Variants in RHBDD1 observed in about 807,000 individuals in gnomAD.
RHBDD1 encodes the protein rhomboid domain containing 1.
RHBDD1 carries 38 observed loss-of-function variants against 36.3 expected under a neutral mutation model. The ratio of observed to expected loss-of-function variants is 1.05; its 90% CI spans 0.81 to 1.37. The LOEUF (loss-of-function observed/expected upper bound fraction) is 1.37. RHBDD1 is among the 40% of genes most tolerant of loss of function. RHBDD1 has a pLI of 0.00. For missense variants in RHBDD1, 393 were observed against 377.6 expected (o/e 1.04, Z -0.34); for synonymous variants, 151 against 136.5 (o/e 1.11, Z -0.74).
chr2:226,958,271 C>G (rs750172516), intron 8 of RHBDD1, among the ~76,000 whole-genome samples: 7 of 152,080 alleles, frequency 4.6e-5, no homozygotes, highest in African/African-American at 1.7e-4. Context: ...TGAAAGGAGC[C>G]AATGACACAT....
intron 8 of RHBDD1, among the ~76,000 whole-genome samples, chr2:226,926,224 A>T (rs1045932703): frequency 1.2e-4 from 5 of 41,434 alleles, no homozygotes; most frequent in Admixed American, 9.5e-4. Flanking sequence ...CTAAGTAAAT[A>T]AAAAAAAAAA....
At chr2:226,947,356 G>A (rs1301627636) in intron 8 of RHBDD1, among the ~76,000 whole-genome samples, 3 of 151,988 alleles carry the variant, frequency 2.0e-5, no homozygotes, top group South Asian at 2.1e-4. Flanking sequence ...TTATTAAATA[G>A]GGAATCCTTT....
At chr2:226,940,826 T>C (rs576015023) in intron 8 of RHBDD1, among the ~76,000 whole-genome samples, 42 of 152,300 alleles carry the variant, frequency 2.8e-4, no homozygotes, top group African/African-American at 1.0e-3. Flanking sequence ...AGGATTACTA[T>C]TGACAGTGTC....
rs1343648936 is a variant in RHBDD1 at position 226,997,198 on chromosome 2, C to A, written c.*1676C>A. The A allele has an allele frequency of 6.6e-6, 1 of 152,184 alleles. No individual in the cohort carries two copies. The highest frequency in any genetic ancestry group is 2.1e-4 in the South Asian group (1 of 4,828). 9.4% of individuals were successfully genotyped at this position (152,184 alleles called of 1,614,324 possible). On this transcript the variant is annotated 3_prime_UTR_variant, in exon 9 of 9. Transcript: ENST00000392062. ...TGGTTAATTTATAACTGATATAAAACTACATCTTCTTTATAATATAAATTG... is the reference window on the plus strand; with the variant it reads ...TGGTTAATTTATAACTGATATAAAAATACATCTTCTTTATAATATAAATTG...
chr2:226,989,405 C>T (rs1178833821), intron 8 of RHBDD1, among the ~76,000 whole-genome samples: 1 of 152,120 alleles, frequency 6.6e-6, no homozygotes, highest in Non-Finnish European at 1.5e-5. Context: ...TGGAAGGGGG[C>T]TTGTGGTGGC....
In RHBDD1 at chr2:226,856,155, C is replaced by T. The variant is rs572661510; in HGVS notation, c.-90-8449C>T. ...TTGAACATGGTGTAATGATGTGAAG[C>T]CATACTATCTGCTATTATGTTAAAT... On this transcript the variant is annotated intron_variant, in intron 3 of 8. Coordinates refer to ENST00000392062, the MANE Select transcript of RHBDD1 (RefSeq NM_001167608.3). 5.9e-5 allele frequency among the ~76,000 whole-genome samples: 9 copies of T among 152,170 alleles called. No homozygotes were observed. The South Asian group carries it at 1.9e-3, about 32-fold the overall frequency.
chr2:226,828,528 T>A, the RHBDD1 span, among the ~76,000 whole-genome samples: 1 of 152,216 alleles, frequency 6.6e-6, no homozygotes, highest in Non-Finnish European at 1.5e-5. Context: ...CACTTTATAA[T>A]CCCATCAACA....
intron 7 of RHBDD1, among the ~76,000 whole-genome samples, chr2:226,913,943 C>A (rs565813952): frequency 6.6e-6 from 1 of 152,342 alleles, no homozygotes; most frequent in African/African-American, 2.4e-5. Flanking sequence ...ATTCCAGTCT[C>A]TTCCCCAGGA....
the RHBDD1 span, among the ~76,000 whole-genome samples, chr2:226,828,090 C>CA: frequency 6.6e-6 from 1 of 152,094 alleles, no homozygotes; most frequent in African/African-American, 2.4e-5. Flanking sequence ...TCCATCATTC[C>CA]AAAAAGTTTT....
intron 2 of RHBDD1, among the ~76,000 whole-genome samples, 155 bp from the exon 3 acceptor site, chr2:226,839,254 A>G (rs752190030): frequency 6.6e-6 from 1 of 152,120 alleles, no homozygotes; most frequent in South Asian, 2.1e-4. Context: ...ATAAAAGGAA[A>G]TTTTCTATAT....
chr2:226,904,390 C>T (rs1947854552), intron 5 of RHBDD1, among the ~76,000 whole-genome samples: 1 of 146,938 alleles, frequency 6.8e-6, no homozygotes, highest in African/African-American at 2.6e-5. Context: ...AGACAAGTTA[C>T]ACCACTGTGG....
chr2:226,897,152 T>C (rs1947161545), intron 5 of RHBDD1, among the ~76,000 whole-genome samples: 1 of 152,218 alleles, frequency 6.6e-6, no homozygotes, highest in Non-Finnish European at 1.5e-5. Context: ...CTGCTACATA[T>C]GTGCTTGTAG....
intron 8 of RHBDD1, among the ~76,000 whole-genome samples, chr2:226,939,285 C>T (rs767270718): frequency 1.3e-5 from 2 of 152,046 alleles, no homozygotes; most frequent in African/African-American, 2.4e-5. Context: ...CCAGGGCAAT[C>T]GAACAAGAGA....
intron 5 of RHBDD1, chr2:226,869,190 T>C (rs1944579578): frequency 2.0e-6 from 2 of 985,278 alleles, no homozygotes; most frequent in Non-Finnish European, 2.4e-6. Context: ...TTCTGTGTCA[T>C]ATGCATATTC....
intron 8 of RHBDD1, among the ~76,000 whole-genome samples, chr2:226,964,380 T>G (rs534767563): frequency 6.6e-6 from 1 of 152,282 alleles, no homozygotes; most frequent in Non-Finnish European, 1.5e-5. Context: ...AACCATACCT[T>G]TTTTCTTTCT....
chr2:226,952,204 G>C (rs1398492762), intron 8 of RHBDD1, among the ~76,000 whole-genome samples: 3 of 151,936 alleles, frequency 2.0e-5, no homozygotes, highest in Admixed American at 6.6e-5. Context: ...GAATCAAAGT[G>C]AGAGGCCCAC....
chr2:226,812,614 C>T, the RHBDD1 span, among the ~76,000 whole-genome samples: 1 of 151,964 alleles, frequency 6.6e-6, no homozygotes, highest in Non-Finnish European at 1.5e-5. Flanking sequence ...AAGTAAGGTG[C>T]AGAACTGTAT....
At chr2:226,928,857 T>C (rs1575134152) in intron 8 of RHBDD1, among the ~76,000 whole-genome samples, 2 of 152,092 alleles carry the variant, frequency 1.3e-5, no homozygotes, top group African/African-American at 4.8e-5. Context: ...AAAGACCATT[T>C]GAGATTACTG....
intron 8 of RHBDD1, among the ~76,000 whole-genome samples, chr2:226,923,643 C>A (rs552851535): frequency 9.2e-5 from 14 of 152,102 alleles, no homozygotes; most frequent in African/African-American, 3.4e-4. Flanking sequence ...CTCTTTCAGG[C>A]CAGTAACAGT....
Sources: gnomAD v4.1 joint callset for allele counts (sites outside exome capture counted in the v4.1 genomes callset) on GRCh38, gnomAD v4.1.1 for gene constraint, MANE v1.5 for transcripts, NCBI Gene and HGNC (gene_info 2026-07-23, HGNC 2026-07-21) for gene names.